DNASE2B: variants seen among roughly 807,000 people sequenced by gnomAD.
The protein encoded by DNASE2B is deoxyribonuclease 2 beta.
A neutral mutation model predicts 46.0 loss-of-function variants in DNASE2B; 43 were observed. That is an observed-to-expected ratio of 0.94 (90% confidence interval 0.73 to 1.21). The LOEUF is 1.21. DNASE2B is among the 50% of genes most tolerant of loss of function. The probability of loss-of-function intolerance (pLI) is 0.00; values close to 1 mark genes in which losing one functional copy is unlikely to be tolerated. For missense variants in DNASE2B, 395 were observed against 414.4 expected (o/e 0.95, Z 0.41); for synonymous variants, 156 against 152.5 (o/e 1.02, Z -0.17).
At chr1:84,398,754 A>C in intron 1 of DNASE2B, 65 bp downstream of exon 1, 1 of 1,580,016 alleles carries the variant, frequency 6.3e-7, no homozygotes, top group Non-Finnish European at 8.6e-7. Flanking sequence ...GGCCTGGCTC[A>C]CTGCGAAGTT....
At chr1:84,406,822 A>G (rs511339) in intron 2 of DNASE2B, among the ~76,000 whole-genome samples, 80,680 of 152,022 alleles carry the variant, frequency 0.53, 21,450 homozygotes, top group East Asian at 0.61. Context: ...AGATTAGACC[A>G]ACTGGTTTAA....
chr1:84,411,635 C>T (rs1319308548), intron 4 of DNASE2B, among the ~76,000 whole-genome samples: 1 of 151,996 alleles, frequency 6.6e-6, no homozygotes, highest in Non-Finnish European at 1.5e-5. Context: ...TCAAGCTCAG[C>T]GAAAAATTCT....
At chr1:84,399,400 C>T (rs1385447056) in intron 1 of DNASE2B, among the ~76,000 whole-genome samples, 1 of 152,158 alleles carries the variant, frequency 6.6e-6, no homozygotes, top group Non-Finnish European at 1.5e-5. Flanking sequence ...AGTCTTTCCT[C>T]AGTTACTGAG....
intron 1 of DNASE2B, among the ~76,000 whole-genome samples, chr1:84,401,083 C>A (rs1005410698): frequency 6.6e-6 from 1 of 152,116 alleles, no homozygotes; most frequent in Non-Finnish European, 1.5e-5. Context: ...GGGGTTCATG[C>A]TATTAGAAAG....
chr1:84,402,302 T>G (rs1680435020), intron 2 of DNASE2B, among the ~76,000 whole-genome samples: 1 of 152,224 alleles, frequency 6.6e-6, no homozygotes, highest in Non-Finnish European at 1.5e-5. Context: ...CTTGGCACCA[T>G]GTCCAGTGGT....
chr1:84,403,734 T>C (rs1680456102), intron 2 of DNASE2B, among the ~76,000 whole-genome samples: 1 of 152,164 alleles, frequency 6.6e-6, no homozygotes, highest in Admixed American at 6.5e-5. Flanking sequence ...TTGCTTTAGT[T>C]TCAGTGCCCG....
intron 5 of DNASE2B, 46 bp from the exon 6 acceptor site, chr1:84,414,482 T>A (rs748371215): frequency 1.3e-6 from 2 of 1,499,366 alleles, no homozygotes; most frequent in Non-Finnish European, 1.8e-6. Context: ...GGGACTAATC[T>A]AAGTGTAAAT....
At chr1:84,405,935 A>T (rs1050437676) in intron 2 of DNASE2B, among the ~76,000 whole-genome samples, 2 of 152,196 alleles carry the variant, frequency 1.3e-5, no homozygotes, top group African/African-American at 4.8e-5. Flanking sequence ...TTAACTTTTT[A>T]TAATAGATTT....
rs939833112 is a variant in DNASE2B at position 84,402,504 on chromosome 1, C to G, written c.303+426C>G. On this transcript the variant is annotated intron_variant, in intron 2 of 5. Coordinates refer to ENST00000370665, the MANE Select transcript of DNASE2B (RefSeq NM_021233.3). ...TGGTGTTGATCAGTGGTGGTGAGCT[C>G]AGTAAAGGGTTCTACTTGATCTTCC... Among the ~76,000 whole-genome samples the G allele has an allele frequency of 2.1e-4, 31 of 150,876 alleles. 1 individual carries two copies. The highest frequency in any genetic ancestry group is 7.0e-3 in the Middle Eastern group (2 of 284).
intron 2 of DNASE2B, among the ~76,000 whole-genome samples, chr1:84,407,525 G>C (rs977874416): frequency 6.6e-6 from 1 of 151,954 alleles, no homozygotes; most frequent in African/African-American, 2.4e-5. Flanking sequence ...CTTCTTCATT[G>C]AATTTGTTTT....
chr1:84,405,907 T>C (rs766202473), intron 2 of DNASE2B, among the ~76,000 whole-genome samples: 36 of 152,250 alleles, frequency 2.4e-4, no homozygotes, highest in Non-Finnish European at 4.6e-4. Flanking sequence ...TGTTTGTATA[T>C]GTAAATTTTG....
intron 2 of DNASE2B, among the ~76,000 whole-genome samples, chr1:84,403,649 A>G (rs1355932576): frequency 1.3e-5 from 2 of 152,118 alleles, no homozygotes; most frequent in Admixed American, 6.5e-5. Context: ...ATGAAAATAC[A>G]TAATGAATTC....
chr1:84,414,098 C>G (rs1030943578), intron 5 of DNASE2B, among the ~76,000 whole-genome samples: 6 of 152,162 alleles, frequency 3.9e-5, no homozygotes, highest in African/African-American at 1.4e-4. Flanking sequence ...TATTTATGAT[C>G]ATAAACCAGT....
At chr1:84,398,798 TACAA>T in intron 1 of DNASE2B, 109 bp downstream of exon 1, 1 of 1,476,862 alleles carries the variant, frequency 6.8e-7, no homozygotes, top group Non-Finnish European at 9.1e-7. Flanking sequence ...TTCCTCCCTT[TACAA>T]ATAAAGGAAG....
chr1:84,398,667 G>C lies in DNASE2B; in HGVS notation c.103G>C (p.Glu35Gln). Reference sequence around the variant, plus strand: ...GGCAGCAACAATTTCATGCAGAAATGAAGAAGGGAAAGCTGTGGACTGGTA... The same window carrying C: ...GGCAGCAACAATTTCATGCAGAAATCAAGAAGGGAAAGCTGTGGACTGGTA... ...LGAATISCRN[E>Q]EGKAVDWFTF... The change falls in exon 1 of 6, where the codon GAA becomes CAA. Residue 35 changes from glutamate (E) to glutamine (Q), a missense_variant. Physicochemically the swap from Glu to Gln is conservative, Grantham distance 29 (BLOSUM62 2). Coordinates refer to ENST00000370665, the MANE Select transcript of DNASE2B (RefSeq NM_021233.3). 1 of 1,613,902 alleles carries C rather than the reference G, an allele frequency of 6.2e-7. No homozygotes were observed. The highest frequency in any genetic ancestry group is 8.5e-7 in the Non-Finnish European group (1 of 1,179,790).
intron 5 of DNASE2B, among the ~76,000 whole-genome samples, chr1:84,413,038 C>G (rs143083838): frequency 6.7e-6 from 1 of 150,314 alleles, no homozygotes; most frequent in East Asian, 2.0e-4. Flanking sequence ...TGATGCACCC[C>G]CTATGCTCTG....
rs116645521 is a variant in DNASE2B at position 84,409,052 on chromosome 1, T to A, written c.385+534T>A. Among the ~76,000 whole-genome samples the A allele has an allele frequency of 2.2e-3, 332 of 152,184 alleles. 2 individuals carry two copies. Among genetic ancestry groups the A allele is most frequent in the African/African-American group, 7.7e-3 (321 of 41,542 alleles). On this transcript the variant is annotated intron_variant, in intron 3 of 5. Coordinates refer to ENST00000370665, the MANE Select transcript of DNASE2B (RefSeq NM_021233.3). ...ACATTATCACATATAATTTTTATTA[T>A]CCTTTCACAATTTTTTTATTTCTAA...
chr1:84,412,362 G>C lies in DNASE2B; in HGVS notation c.561G>C (p.Leu187Phe). ...NQYEAIDSQLLVCNPNVYSCS... is the reference protein window; with the variant it reads ...NQYEAIDSQLFVCNPNVYSCS... ...TTCTTGATTCAGATTCTCAGCTCTT[G>C]GTCTGCAACCCCAACGTCTATAGCT... Residue 187 changes from leucine to phenylalanine, a missense_variant, in exon 5 of 6, where the codon TTG becomes TTC. Physicochemically the swap from Leu to Phe is conservative, Grantham distance 22. Transcript: ENST00000370665. 1 of 1,549,022 alleles carries C rather than the reference G, an allele frequency of 6.5e-7. No homozygotes were observed. The highest frequency in any genetic ancestry group is 8.7e-7 in the Non-Finnish European group (1 of 1,143,296).
chr1:84,413,906 A>G (rs1315225434), intron 5 of DNASE2B, among the ~76,000 whole-genome samples: 1 of 152,052 alleles, frequency 6.6e-6, no homozygotes, highest in Admixed American at 6.6e-5. Flanking sequence ...CAAACCATCA[A>G]ATTCAGTCAG....
Sources: gnomAD v4.1 joint callset for allele counts (sites outside exome capture counted in the v4.1 genomes callset) on GRCh38, gnomAD v4.1.1 for gene constraint, MANE v1.5 for transcripts, NCBI Gene and HGNC (gene_info 2026-07-23, HGNC 2026-07-21) for gene names.